NAALADL2: variants seen among roughly 807,000 people sequenced by gnomAD.
NAALADL2 encodes the protein inactive N-acetylated-alpha-linked acidic dipeptidase-like protein 2.
A neutral mutation model predicts 87.2 loss-of-function variants in NAALADL2; 76 were observed. The observed-to-expected ratio is 0.87, with a 90% CI of 0.72 to 1.05. The LOEUF (loss-of-function observed/expected upper bound fraction) is 1.05, where lower values mean the gene tolerates loss of function less well. Among genes scored for constraint, NAALADL2 ranks in the 50% least tolerant of loss-of-function variants. NAALADL2 has a pLI of 0.00. For missense variants in NAALADL2, 1,089 were observed against 945.8 expected, an observed-to-expected ratio of 1.15 and a Z score of -1.99; for synonymous variants, 354 against 331.0, an observed-to-expected ratio of 1.07 and a Z score of -0.75.
intron 2 of NAALADL2, among the ~76,000 whole-genome samples, chr3:174,595,389 A>G (rs1022450637): frequency 6.6e-5 from 10 of 152,138 alleles, no homozygotes; most frequent in Non-Finnish European, 1.3e-4. Context: ...TGTTTACTGA[A>G]TCTCTACTGT....
intron 1 of NAALADL2, among the ~76,000 whole-genome samples, chr3:174,500,510 C>G (rs1279675312): frequency 1.3e-5 from 2 of 152,154 alleles, no homozygotes; most frequent in Non-Finnish European, 2.9e-5. Flanking sequence ...GTTGGAAGAT[C>G]AAACAACCTG....
At chr3:175,616,921 C>T (rs542622198) in intron 10 of NAALADL2, among the ~76,000 whole-genome samples, 8 of 152,038 alleles carry the variant, frequency 5.3e-5, no homozygotes, top group South Asian at 2.1e-4. Flanking sequence ...ATCAGTATGG[C>T]GGTTGCGGTT....
At chr3:174,662,963 G>A (rs1725643234) in intron 2 of NAALADL2, among the ~76,000 whole-genome samples, 1 of 152,166 alleles carries the variant, frequency 6.6e-6, no homozygotes, top group African/African-American at 2.4e-5. Context: ...ATCAAACAAA[G>A]CAGGGAGGTT....
At chr3:174,930,613 A>ATTTTTTTT (rs1188907600) in intron 1 of NAALADL2, among the ~76,000 whole-genome samples, 1 of 99,776 alleles carries the variant, frequency 1.0e-5, no homozygotes. Flanking sequence ...AATAAGATGA[A>ATTTTTTTT]CTTTTTTTTT....
chr3:175,325,412 C>A (rs1190303283), intron 5 of NAALADL2, among the ~76,000 whole-genome samples: 1 of 152,076 alleles, frequency 6.6e-6, no homozygotes, highest in African/African-American at 2.4e-5. Flanking sequence ...TTGTACAGTC[C>A]CATGTCTTAT....
intron 5 of NAALADL2, among the ~76,000 whole-genome samples, chr3:175,395,941 T>C (rs939486752): frequency 2.0e-5 from 3 of 152,204 alleles, no homozygotes; most frequent in Non-Finnish European, 4.4e-5. Flanking sequence ...TTACTTTGCA[T>C]ATTACCAAGC....
At chr3:175,788,121 CT>C (rs1189922438) in intron 13 of NAALADL2, among the ~76,000 whole-genome samples, 1 of 123,472 alleles carries the variant, frequency 8.1e-6, no homozygotes, top group African/African-American at 3.1e-5. Flanking sequence ...GAGACAAGGT[CT>C]CACTTTGTCA....
intron 11 of NAALADL2, among the ~76,000 whole-genome samples, chr3:175,631,298 A>G (rs1439155639): frequency 2.6e-5 from 4 of 151,812 alleles, no homozygotes; most frequent in Non-Finnish European, 5.9e-5. Flanking sequence ...ATTTTGTTAC[A>G]TGAACAGATC....
chr3:175,584,700 A>G (rs1368356507), intron 10 of NAALADL2, among the ~76,000 whole-genome samples: 1 of 152,216 alleles, frequency 6.6e-6, no homozygotes, highest in African/African-American at 2.4e-5. Flanking sequence ...GATACTGTAG[A>G]CTGTACTGAA....
chr3:175,691,561 T>C (rs928016387), intron 11 of NAALADL2, among the ~76,000 whole-genome samples: 3 of 152,010 alleles, frequency 2.0e-5, no homozygotes, highest in African/African-American at 4.8e-5. Flanking sequence ...CATCTATTTT[T>C]CTCTTCCTTG....
At chr3:174,799,186 T>G in intron 3 of NAALADL2, among the ~76,000 whole-genome samples, 1 of 146,152 alleles carries the variant, frequency 6.8e-6, no homozygotes, top group East Asian at 2.1e-4. Flanking sequence ...AAAAAAAAAA[T>G]TATTTTGTGT....
At chr3:174,588,102 T>C (rs187030774) in intron 2 of NAALADL2, among the ~76,000 whole-genome samples, 2 of 150,858 alleles carry the variant, frequency 1.3e-5, no homozygotes, top group African/African-American at 2.4e-5. Context: ...ACTTCTCTTC[T>C]CACTTCATTT....
intron 3 of NAALADL2, among the ~76,000 whole-genome samples, chr3:174,797,097 A>C (rs989823892): frequency 3.9e-5 from 6 of 152,012 alleles, no homozygotes. Context: ...CAGGTCTTAC[A>C]TTTAAGCCTT....
chr3:175,075,586 C>A (rs1444561558), intron 1 of NAALADL2, among the ~76,000 whole-genome samples: 1 of 152,120 alleles, frequency 6.6e-6, no homozygotes, highest in Non-Finnish European at 1.5e-5. Flanking sequence ...GGCCATTCTG[C>A]AAGTTTTGAT....
chr3:175,306,675 C>T (rs186123476), intron 4 of NAALADL2, among the ~76,000 whole-genome samples: 2,971 of 150,954 alleles, frequency 0.02, 82 homozygotes, highest in African/African-American at 0.067. Flanking sequence ...AAAATACAAA[C>T]AAACAAACAA....
intron 9 of NAALADL2, among the ~76,000 whole-genome samples, chr3:175,513,148 C>T (rs1284621458): frequency 6.6e-6 from 1 of 152,122 alleles, no homozygotes. Flanking sequence ...AATTCACTCA[C>T]TTACTTATTT....
At chr3:174,574,657 G>T (rs1218086356) in intron 2 of NAALADL2, among the ~76,000 whole-genome samples, 1 of 152,044 alleles carries the variant, frequency 6.6e-6, no homozygotes, top group Non-Finnish European at 1.5e-5. Flanking sequence ...ATCAATATAT[G>T]AACATTTTCC....
chr3:175,615,592 T>G (rs938458085), intron 10 of NAALADL2, among the ~76,000 whole-genome samples: 1 of 151,968 alleles, frequency 6.6e-6, no homozygotes, highest in Admixed American at 6.6e-5. Flanking sequence ...GCATGATGGC[T>G]CATATCTGTA....
chr3:174,723,816 G>C (rs183852890), intron 2 of NAALADL2, among the ~76,000 whole-genome samples: 2 of 147,066 alleles, frequency 1.4e-5, no homozygotes, highest in Admixed American at 1.4e-4. Context: ...AACTATACTG[G>C]AGGTTTTTAG....
Sources: allele counts gnomAD v4.1 joint callset (sites outside exome capture counted in the v4.1 genomes callset), GRCh38; gene constraint gnomAD v4.1.1; transcripts MANE v1.5; gene names NCBI Gene and HGNC (gene_info 2026-07-23, HGNC 2026-07-21).